The following CLIC5 variants were observed in gnomAD, a reference collection of about 807,000 sequenced individuals.
The protein encoded by CLIC5 is chloride intracellular channel protein 5.
Under a neutral mutation model 24.7 loss-of-function variants are expected in CLIC5, and 20 were observed. That is an observed-to-expected ratio of 0.81 (90% CI 0.57 to 1.18). The LOEUF is 1.18. Among genes scored for constraint, CLIC5 ranks in the 50% most tolerant of loss-of-function variants. The pLI is 0.00. For missense variants in CLIC5, 341 were observed against 326.1 expected (o/e 1.05, Z -0.35); for synonymous variants, 159 against 135.6 (o/e 1.17, Z -1.20).
At chr6:45,997,270 C>T (rs568861100) in intron 1 of CLIC5, among the ~76,000 whole-genome samples, 62 of 147,932 alleles carry the variant, frequency 4.2e-4, no homozygotes, top group Admixed American at 3.1e-3. Flanking sequence ...AACCAAACAC[C>T]GCATATTCTC....
At chr6:45,911,001 GA>G (rs1762800521) in intron 5 of CLIC5, among the ~76,000 whole-genome samples, 1 of 152,196 alleles carries the variant, frequency 6.6e-6, no homozygotes, top group African/African-American at 2.4e-5. Flanking sequence ...CACATAGCAG[GA>G]ACTCTGCTTT....
At chr6:45,989,621 C>T (rs975154532) in intron 1 of CLIC5, among the ~76,000 whole-genome samples, 1 of 152,148 alleles carries the variant, frequency 6.6e-6, no homozygotes, top group Admixed American at 6.6e-5. Context: ...GAAAGGCCCA[C>T]CTTGCTCTTT....
At chr6:45,942,651 T>C (rs1764172241) in intron 3 of CLIC5, among the ~76,000 whole-genome samples, 1 of 152,202 alleles carries the variant, frequency 6.6e-6, no homozygotes, top group Admixed American at 6.5e-5. Flanking sequence ...TCCTTTTTGT[T>C]TGTTTTGATG....
At chr6:46,011,434 T>G (rs1318696147) in intron 1 of CLIC5, among the ~76,000 whole-genome samples, 1 of 152,000 alleles carries the variant, frequency 6.6e-6, no homozygotes, top group Non-Finnish European at 1.5e-5. Context: ...CACCTGAGAG[T>G]GGATATGAAA....
At chr6:46,096,761 A>G in the CLIC5 span, among the ~76,000 whole-genome samples, 35 of 152,310 alleles carry the variant, frequency 2.3e-4, no homozygotes, top group South Asian at 7.3e-3. Flanking sequence ...CACAACAACA[A>G]CAACAACATG....
At chr6:46,102,987 T>C in the CLIC5 span, among the ~76,000 whole-genome samples, 1 of 152,158 alleles carries the variant, frequency 6.6e-6, no homozygotes. Context: ...TCCAGATGAG[T>C]TTAAAAATTT....
chr6:45,956,256 T>C (rs1405255159), intron 1 of CLIC5, among the ~76,000 whole-genome samples: 2 of 152,134 alleles, frequency 1.3e-5, no homozygotes, highest in East Asian at 1.9e-4. Flanking sequence ...TTCATTTCCA[T>C]AGGGTGGTTT....
intron 5 of CLIC5, chr6:45,913,663 G>T: frequency 1.6e-6 from 1 of 607,592 alleles, no homozygotes; most frequent in Non-Finnish European, 2.4e-6. Context: ...TATAGGAGAG[G>T]ATGACACTAC....
At chr6:46,021,202 T>TG (rs1466537400) in intron 1 of CLIC5, among the ~76,000 whole-genome samples, 1 of 152,014 alleles carries the variant, frequency 6.6e-6, no homozygotes. Context: ...TCAACGTTCT[T>TG]CAGTAGAGCA....
intron 1 of CLIC5, among the ~76,000 whole-genome samples, chr6:46,054,809 C>T (rs1768200988): frequency 1.3e-5 from 2 of 152,238 alleles, no homozygotes; most frequent in African/African-American, 4.8e-5. Context: ...TCACCAGAAA[C>T]TGATCATGCT....
intron 4 of CLIC5, among the ~76,000 whole-genome samples, chr6:45,918,285 C>G (rs762836877): frequency 6.6e-6 from 1 of 152,136 alleles, no homozygotes; most frequent in Non-Finnish European, 1.5e-5. Context: ...ATTGTTTTCT[C>G]GTCGTAGAGA....
rs1297848476 is a variant in CLIC5 at position 46,015,475 on chromosome 6, C to T, written c.63+5G>A. 2.0e-6 allele frequency: 3 copies of T among 1,536,244 alleles called. No homozygotes were observed. The highest frequency in any genetic ancestry group is 2.6e-6 in the Non-Finnish European group (3 of 1,140,782). On this transcript the variant is annotated splice_donor_5th_base_variant and intron_variant, in intron 1 of 5. Transcript: ENST00000339561. The stretch of plus-strand genomic sequence containing the variant: ...GGTGCGGCGGGAGACTGGACCCCGA[C>T]CTACCTTCACAAAGAGCTCGATCTC...
intron 4 of CLIC5, among the ~76,000 whole-genome samples, chr6:45,922,785 T>G (rs1397502831): frequency 6.7e-6 from 1 of 150,350 alleles, no homozygotes; most frequent in Non-Finnish European, 1.5e-5. Context: ...TGAATGTTTA[T>G]TTATCAACAG....
Position 46,015,536 on chromosome 6 carries a change from C to G in CLIC5, c.7G>C (p.Asp3His). MTDSATANGDDRD... is the reference protein window; with the variant it reads MTHSATANGDDRD... ...TCGTCCCCGTTAGCTGTCGCCGAGTCTGTCATGCCGTTGGCGCCCGGGGCT... is the reference window on the plus strand; with the variant it reads ...TCGTCCCCGTTAGCTGTCGCCGAGTGTGTCATGCCGTTGGCGCCCGGGGCT... The change falls in exon 1 of 6, where the codon GAC becomes CAC. Residue 3 changes from aspartate to histidine, a missense_variant. Transcript: ENST00000339561. The G allele has an allele frequency of 6.3e-7, 1 of 1,578,248 alleles. No individual in the cohort carries two copies. The highest frequency in any genetic ancestry group is 8.6e-7 in the Non-Finnish European group (1 of 1,163,680).
chr6:45,998,285 C>A (rs1203828161), intron 1 of CLIC5, among the ~76,000 whole-genome samples: 1 of 152,174 alleles, frequency 6.6e-6, no homozygotes, highest in Non-Finnish European at 1.5e-5. Flanking sequence ...GTGGCTATGT[C>A]CCAGCACACA....
At chr6:46,011,402 C>G (rs1766804322) in intron 1 of CLIC5, among the ~76,000 whole-genome samples, 1 of 152,206 alleles carries the variant, frequency 6.6e-6, no homozygotes, top group Non-Finnish European at 1.5e-5. Context: ...AGTGGCTCTC[C>G]ACCAGGGCTG....
intron 6 of CLIC5, among the ~76,000 whole-genome samples, chr6:45,887,526 CTG>C (rs992088351): frequency 6.6e-6 from 1 of 152,180 alleles, no homozygotes; most frequent in African/African-American, 2.4e-5. Flanking sequence ...TGCAAAAACC[CTG>C]TTTCCATATA....
At chr6:46,121,826 G>T in the CLIC5 span, among the ~76,000 whole-genome samples, 21 of 152,064 alleles carry the variant, frequency 1.4e-4, no homozygotes, top group African/African-American at 4.8e-4. Context: ...GATCAAAAGA[G>T]ACAAAGAAGG....
chr6:46,125,246 C>T, the CLIC5 span, among the ~76,000 whole-genome samples: 1 of 152,138 alleles, frequency 6.6e-6, no homozygotes, highest in South Asian at 2.1e-4. Flanking sequence ...ACTATGCAGC[C>T]ATAAAAATAA....
Sources: allele counts gnomAD v4.1 joint callset (sites outside exome capture counted in the v4.1 genomes callset), GRCh38; gene constraint gnomAD v4.1.1; transcripts MANE v1.5; gene names NCBI Gene and HGNC (gene_info 2026-07-23, HGNC 2026-07-21).